Variants in RBFOX1 observed in about 807,000 individuals in gnomAD.
The protein encoded by RBFOX1 is RNA binding fox-1 homolog 1.
A neutral mutation model predicts 57.7 loss-of-function variants in RBFOX1; 8 were observed. The ratio of observed to expected loss-of-function variants is 0.14; its 90% confidence interval spans 0.08 to 0.25. The LOEUF (loss-of-function observed/expected upper bound fraction) is 0.25. Ranked by LOEUF, RBFOX1 falls within the 10% of genes least tolerant of loss-of-function variation. The pLI is 1.00. For missense variants in RBFOX1, 611 were observed against 548.5 expected, an observed-to-expected ratio of 1.11 and a Z score of -1.14; for synonymous variants, 326 against 222.4, an observed-to-expected ratio of 1.47 and a Z score of -4.15.
intron 1 of RBFOX1, among the ~76,000 whole-genome samples, chr16:6,149,351 C>G (rs561729446): frequency 3.9e-4 from 60 of 152,330 alleles, no homozygotes; most frequent in Non-Finnish European, 7.1e-4. Context: ...ATCTTGCCTC[C>G]TATGTAACAT....
At chr16:6,337,106 T>C (rs1189002392) in intron 2 of RBFOX1, among the ~76,000 whole-genome samples, 1 of 152,210 alleles carries the variant, frequency 6.6e-6, no homozygotes, top group African/African-American at 2.4e-5. Context: ...TTTATTTCCA[T>C]GGAGGGAGTC....
At chr16:6,039,670 A>G (rs1237729347) in intron 1 of RBFOX1, among the ~76,000 whole-genome samples, 1 of 152,248 alleles carries the variant, frequency 6.6e-6, no homozygotes, top group African/African-American at 2.4e-5. Flanking sequence ...AAACGTTTCA[A>G]ATTCTCTCAC....
intron 3 of RBFOX1, among the ~76,000 whole-genome samples, chr16:6,713,514 T>C (rs2064137803): frequency 6.6e-6 from 1 of 152,188 alleles, no homozygotes; most frequent in South Asian, 2.1e-4. Flanking sequence ...CCCTGGCCTC[T>C]ACCCACTAGA....
In RBFOX1 at chr16:6,376,962, C is replaced by A. The variant is rs1179693907; in HGVS notation, c.-64+59905C>A. On this transcript the variant is annotated intron_variant, in intron 2 of 15. Coordinates refer to ENST00000550418, the MANE Select transcript of RBFOX1 (RefSeq NM_018723.4). ...GTGTTTTTCTCTGTCTCCAAACTTCCTTCTTCTTATAAAGGTATTGGTCCC... is the reference window on the plus strand; with the variant it reads ...GTGTTTTTCTCTGTCTCCAAACTTCATTCTTCTTATAAAGGTATTGGTCCC... Among the ~76,000 whole-genome samples the A allele has an allele frequency of 3.3e-5, 5 of 151,840 alleles. No homozygotes were observed. In the South Asian group the frequency reaches 6.3e-4, roughly 19 times the overall value.
chr16:6,562,588 T>C (rs959435773), intron 2 of RBFOX1, among the ~76,000 whole-genome samples: 1 of 152,212 alleles, frequency 6.6e-6, no homozygotes, highest in Non-Finnish European at 1.5e-5. Context: ...TAATAGGTTA[T>C]AAGTGGTTGT....
chr16:7,649,523 G>C (rs1432074647), intron 11 of RBFOX1, among the ~76,000 whole-genome samples: 1 of 151,876 alleles, frequency 6.6e-6, no homozygotes, highest in Non-Finnish European at 1.5e-5. Flanking sequence ...GAGTCGCTGT[G>C]GTTCGAACAC....
At chr16:7,056,484 T>G (rs2052317656) in intron 4 of RBFOX1, among the ~76,000 whole-genome samples, 1 of 152,160 alleles carries the variant, frequency 6.6e-6, no homozygotes, top group Admixed American at 6.5e-5. Context: ...TCAGCACAGG[T>G]TATGGTGATA....
rs138600903 is a variant in RBFOX1, at chr16:6,861,039, G to C, written c.-15-191018G>C. On this transcript the variant is annotated intron_variant, in intron 3 of 15. Coordinates refer to ENST00000550418, the MANE Select transcript of RBFOX1 (RefSeq NM_018723.4). ...TGCCCACCACTGTTAGGGAGTAGGG[G>C]AGCGGTTGTAATCTGCGAGAGTGAC... 5.5e-3 allele frequency among the ~76,000 whole-genome samples: 836 copies of C among 152,280 alleles called. 16 individuals are homozygous for C. The highest frequency in any genetic ancestry group is 0.019 in the African/African-American group (798 of 41,552).
intron 4 of RBFOX1, among the ~76,000 whole-genome samples, chr16:7,211,391 C>CAAAAAAAAAAAA (rs57333413): frequency 2.4e-5 from 2 of 83,936 alleles, no homozygotes; most frequent in Non-Finnish European, 2.2e-5. Context: ...GACTGCCTCT[C>CAAAAAAAAAAAA]AAAAAAAAAA....
intron 4 of RBFOX1, among the ~76,000 whole-genome samples, chr16:7,286,050 A>T (rs2095644979): frequency 6.6e-6 from 1 of 152,222 alleles, no homozygotes; most frequent in Admixed American, 6.5e-5. Context: ...CATACTGGGA[A>T]CACTGTACAA....
At chr16:5,386,556 C>T (rs1376995600) in intron 1 of RBFOX1, among the ~76,000 whole-genome samples, 3 of 152,184 alleles carry the variant, frequency 2.0e-5, no homozygotes, top group African/African-American at 7.2e-5. Context: ...CGTTAACTCA[C>T]TGGCCATCTC....
At chr16:6,044,768 C>A (rs1451831887) in intron 1 of RBFOX1, among the ~76,000 whole-genome samples, 5 of 152,224 alleles carry the variant, frequency 3.3e-5, no homozygotes. Context: ...CCTACAGTGG[C>A]ATGAGGCGTG....
chr16:5,391,408 C>T (rs1746375234), intron 1 of RBFOX1, among the ~76,000 whole-genome samples: 1 of 152,114 alleles, frequency 6.6e-6, no homozygotes, highest in South Asian at 2.1e-4. Flanking sequence ...GCTTCTGCTT[C>T]CGTCTTCAAA....
chr16:7,520,071 G>C (rs2152231168), intron 5 of RBFOX1, among the ~76,000 whole-genome samples: 1 of 152,142 alleles, frequency 6.6e-6, no homozygotes, highest in African/African-American at 2.4e-5. Context: ...ATTTTTGGTA[G>C]AGACGGGATT....
intron 1 of RBFOX1, among the ~76,000 whole-genome samples, chr16:6,242,809 C>A (rs1396489749): frequency 6.6e-6 from 1 of 151,948 alleles, no homozygotes; most frequent in Non-Finnish European, 1.5e-5. Context: ...TGTTTTAAGC[C>A]CAGATGTCCT....
intron 4 of RBFOX1, among the ~76,000 whole-genome samples, chr16:7,196,846 G>A (rs2086826645): frequency 6.6e-6 from 1 of 152,148 alleles, no homozygotes; most frequent in South Asian, 2.1e-4. Context: ...AGGACAGCAT[G>A]TGCAAAGGGA....
chr16:6,609,606 T>G (rs1302620049), intron 2 of RBFOX1, among the ~76,000 whole-genome samples: 1 of 152,164 alleles, frequency 6.6e-6, no homozygotes, highest in Non-Finnish European at 1.5e-5. Context: ...AAAAAAAAAT[T>G]TGTTTATTTC....
At chr16:6,462,630 C>G (rs1022708686) in intron 2 of RBFOX1, among the ~76,000 whole-genome samples, 8 of 152,114 alleles carry the variant, frequency 5.3e-5, no homozygotes, top group African/African-American at 1.9e-4. Context: ...CTAAAATTCT[C>G]TGAAATGAAA....
At chr16:5,868,158 G>A (rs1259275122) in intron 4 of RBFOX1, among the ~76,000 whole-genome samples, 1 of 152,134 alleles carries the variant, frequency 6.6e-6, no homozygotes, top group Non-Finnish European at 1.5e-5. Context: ...GTAATGTAAT[G>A]GGCTCCTGCA....
Sources: gnomAD v4.1 joint callset for allele counts (sites outside exome capture counted in the v4.1 genomes callset) on GRCh38, gnomAD v4.1.1 for gene constraint, MANE v1.5 for transcripts, NCBI Gene and HGNC (gene_info 2026-07-23, HGNC 2026-07-21) for gene names.